Variants in TPT1 observed in about 807,000 individuals in gnomAD.
TPT1 encodes the protein tumor protein, translationally-controlled 1.
TPT1 carries 5 observed loss-of-function variants against 22.8 expected under a neutral mutation model. That is an observed-to-expected ratio of 0.22 (90% CI 0.11 to 0.46). The LOEUF (loss-of-function observed/expected upper bound fraction) is 0.46, where lower values mean the gene tolerates loss of function less well. TPT1 is among the 20% of genes least tolerant of loss of function. The pLI is 0.99. For synonymous variants in TPT1, 89 were observed against 73.6 expected (o/e 1.21, Z -1.07); for missense variants, 130 against 218.7 (o/e 0.59, Z 2.56).
At chr13:45,337,541 T>C (rs996993620) in intron 5 of TPT1, 153 bp from the exon 6 acceptor site, 1 of 1,612,562 alleles carries the variant, frequency 6.2e-7, no homozygotes, top group Non-Finnish European at 8.5e-7. Flanking sequence ...CAGGGATTTC[T>C]TTCTTTTGCA....
chr13:45,340,898 G>C (rs944507090), intron 1 of TPT1, 113 bp from the exon 2 acceptor site: 33 of 1,488,942 alleles, frequency 2.2e-5, no homozygotes, highest in Admixed American at 7.0e-5. Context: ...ACCAGAGCTG[G>C]GCGCGAGCCC....
At chr13:45,338,463 C>T (rs908836668) in intron 5 of TPT1, 197 bp downstream of exon 5, 18 of 1,144,208 alleles carry the variant, frequency 1.6e-5, no homozygotes, top group Non-Finnish European at 1.9e-5. Context: ...ACGTTTTCCA[C>T]AAATAAGATT....
chr13:45,340,441 G>A, intron 2 of TPT1: 2 of 737,760 alleles, frequency 2.7e-6, no homozygotes. Flanking sequence ...CGGTTGGTAA[G>A]TGGGGACAGG....
rs1352687675 is a variant in TPT1 at position 45,341,096 on chromosome 13, G to A, written c.-27C>T. On this transcript the variant is annotated 5_prime_UTR_variant, in exon 1 of 6. Transcript: ENST00000530705. ...ATGGCGACTGAAGGGAGACGACGAC[G>A]GCGCTAGCTTAGCACGAGCCTGAAA... 15 of 1,612,132 alleles carry A rather than the reference G, an allele frequency of 9.3e-6. No homozygotes were observed. Among genetic ancestry groups the A allele is most frequent in the African/African-American group, 8.0e-5 (6 of 74,876 alleles).
intron 5 of TPT1, chr13:45,337,591 G>A (rs1223144598): frequency 6.3e-7 from 1 of 1,599,966 alleles, no homozygotes; most frequent in South Asian, 1.1e-5. Context: ...AATTGTTCAA[G>A]GTCTATCAGT....
In TPT1 at chr13:45,341,114, G is replaced by A. The variant is rs751424907; in HGVS notation, c.-45C>T. ...CGACGACGGCGCTAGCTTAGCACGA[G>A]CCTGAAACTCGGAGCGAGCGCGGTG... On this transcript the variant is annotated 5_prime_UTR_variant, in exon 1 of 6. Coordinates refer to ENST00000530705, the MANE Select transcript of TPT1 (RefSeq NM_003295.4). The A allele has an allele frequency of 4.3e-6, 7 of 1,609,266 alleles. No individual in the cohort carries two copies. The highest frequency in any genetic ancestry group is 5.9e-6 in the Non-Finnish European group (7 of 1,177,884).
chr13:45,338,530 C>CCCAA (rs1878867967), intron 5 of TPT1, 130 bp downstream of exon 5: 1 of 1,442,888 alleles, frequency 6.9e-7, no homozygotes, highest in Non-Finnish European at 9.1e-7. Context: ...TCTCTTGATC[C>CCCAA]CCAAAGAGAA....
chr13:45,340,285 T>C, intron 2 of TPT1, 101 bp from the exon 3 acceptor site: 1 of 1,416,308 alleles, frequency 7.1e-7, no homozygotes, highest in South Asian at 1.3e-5. Flanking sequence ...TAGTTCTTGC[T>C]GAAAATAAAA....
In TPT1 at chr13:45,337,383, T is replaced by C. The variant is rs749671335; in HGVS notation, c.*3A>G. ...GATAGATCCAAAATAATTGCCACAT[T>C]TGTTACTGTAAAAGCAAAAACTACA... On this transcript the variant is annotated 3_prime_UTR_variant, in exon 6 of 6. Transcript: ENST00000530705. 1.2e-6 allele frequency: 2 copies of C among 1,613,898 alleles called. No individual in the cohort carries two copies. Among genetic ancestry groups the C allele is most frequent in the African/African-American group, 2.7e-5 (2 of 74,910 alleles).
At chr13:45,338,340 G>A (rs901019758) in intron 5 of TPT1, 5 of 341,754 alleles carry the variant, frequency 1.5e-5, no homozygotes, top group African/African-American at 8.5e-5. Flanking sequence ...GGCTGGTCTC[G>A]AACTCCCAAC....
At position 45,334,898 on chromosome 13, in the gene TPT1, ACTG is replaced by A. The variant is rs1450465588; in HGVS notation, c.*2485_*2487del. On this transcript the variant is annotated 3_prime_UTR_variant, in exon 6 of 6. Coordinates refer to ENST00000530705, the MANE Select transcript of TPT1 (RefSeq NM_003295.4). ...CCAGAACACATCACACTCCAGACTA[ACTG>A]CTGTTGTCTTGGCCTGGAATGGTTT... 6.6e-6 allele frequency: 1 copy of A among 152,116 alleles called. No individual in the cohort carries two copies. The highest frequency in any genetic ancestry group is 2.4e-5 in the African/African-American group (1 of 41,404). 9.4% of individuals were successfully genotyped at this position (152,116 alleles called of 1,614,324 possible).
rs918181934 is a variant in TPT1, at chr13:45,341,152, C to G, written c.-83G>C. 1 of 1,574,782 alleles carries G rather than the reference C, an allele frequency of 6.4e-7. No individual in the cohort carries two copies. Among genetic ancestry groups the G allele is most frequent in the African/African-American group, 1.4e-5 (1 of 73,864 alleles). ...AGCGAGCGCGGTGCAGCCGGAGCGG[C>G]GCTCGGGGGGAGGGGGGAGCGGGCG... On this transcript the variant is annotated 5_prime_UTR_variant, in exon 1 of 6. Coordinates refer to ENST00000530705, the MANE Select transcript of TPT1 (RefSeq NM_003295.4).
Position 45,340,662 on chromosome 13 carries a change from C to A in TPT1, c.102+50G>T, listed in dbSNP as rs375684905. On this transcript the variant is annotated intron_variant, in intron 2 of 5. Coordinates refer to ENST00000530705, the MANE Select transcript of TPT1 (RefSeq NM_003295.4). ...CCTCAGGCGGGGGAGCGGAGGAAAC[C>A]CGAGCCCGCTCGGCCCGGACTCCCC... The A allele has an allele frequency of 1.0e-3, 1,601 of 1,549,068 alleles. 14 individuals are homozygous for A. The South Asian group carries it at 0.013, about 12-fold the overall frequency.
At chr13:45,337,749 T>C (rs1018584892) in intron 5 of TPT1, 2 of 599,814 alleles carry the variant, frequency 3.3e-6, no homozygotes, top group African/African-American at 3.7e-5. Context: ...TTCTAAGTAA[T>C]TTCTGTCTAC....
At chr13:45,340,878 T>A (rs1055300560) in intron 1 of TPT1, 93 bp from the exon 2 acceptor site, 10 of 1,460,128 alleles carry the variant, frequency 6.8e-6, no homozygotes, top group East Asian at 2.5e-5. Context: ...GATCTGCCCC[T>A]CCGTAGCACA....
chr13:45,337,537 T>C lies in TPT1; in HGVS notation c.517-149A>G, dbSNP rs752609482. ...CAAAGACAGACAGAAAGCGCAGGGA[T>C]TTCTTTCTTTTGCATCCTAGTGCAA... On this transcript the variant is annotated intron_variant, in intron 5 of 5. Coordinates refer to ENST00000530705, the MANE Select transcript of TPT1 (RefSeq NM_003295.4). The C allele has an allele frequency of 3.1e-6, 5 of 1,612,790 alleles. No individual in the cohort carries two copies. In the South Asian group the frequency reaches 5.5e-5, roughly 18 times the overall value.
chr13:45,339,913 G>A (rs1878967912), intron 3 of TPT1, 81 bp downstream of exon 3: 2 of 1,500,772 alleles, frequency 1.3e-6, no homozygotes, highest in African/African-American at 1.4e-5. Flanking sequence ...TATACCCACT[G>A]CGAAAGAACC....
chr13:45,340,051 TGCAGGTGATG>T lies in TPT1; in HGVS notation c.226_235del (p.His76ArgfsTer18), dbSNP rs1269535105. 6.2e-7 allele frequency: 1 copy of T among 1,614,104 alleles called. No individual in the cohort carries two copies. Among genetic ancestry groups the T allele is most frequent in the Non-Finnish European group, 8.5e-7 (1 of 1,180,052 alleles). ...GGCTTCTTTTGTGAAACTTGTTTCC[TGCAGGTGATG>T]GTTCATGACAATATCGACACCAGTG... On this transcript the variant is annotated frameshift_variant, in exon 3 of 6. Coordinates refer to ENST00000530705, the MANE Select transcript of TPT1 (RefSeq NM_003295.4). LOFTEE classifies it high-confidence loss of function.
At chr13:45,338,630 ATTTAT>A in intron 5 of TPT1, 25 bp downstream of exon 5, 1 of 1,598,388 alleles carries the variant, frequency 6.3e-7, no homozygotes, top group East Asian at 2.2e-5. Flanking sequence ...TTTTTACATT[ATTTAT>A]TTTAACCCAC....
Sources: allele counts gnomAD v4.1 joint callset, GRCh38; gene constraint gnomAD v4.1.1; transcripts MANE v1.5; gene names NCBI Gene and HGNC (gene_info 2026-07-23, HGNC 2026-07-21).